The following TMEM207 variants were observed in gnomAD, a reference collection of about 807,000 sequenced individuals.
The protein encoded by TMEM207 is transmembrane protein 207.
In TMEM207, 15 loss-of-function variants were observed where a neutral mutation model predicts 17.4. That is an observed-to-expected ratio of 0.86 (90% CI 0.58 to 1.33). The LOEUF is 1.33. TMEM207 is among the 40% of genes most tolerant of loss of function. The probability of loss-of-function intolerance (pLI) is 0.00; values close to 1 mark genes in which losing one functional copy is unlikely to be tolerated. For synonymous variants in TMEM207, 70 were observed against 65.6 expected (o/e 1.07, Z -0.33); for missense variants, 205 against 173.8 (o/e 1.18, Z -1.01).
At chr3:190,434,282 G>GTGTGTTGTGGGAGGGATC (rs1719754695) in intron 4 of TMEM207, among the ~76,000 whole-genome samples, 1 of 152,010 alleles carries the variant, frequency 6.6e-6, no homozygotes, top group Non-Finnish European at 1.5e-5. Flanking sequence ...CATAATTCCC[G>GTGTGTTGTGGGAGGGATC]TGTGTTGTGG....
Position 190,440,398 on chromosome 3 carries a change from A to C in TMEM207, c.159-9T>G. On this transcript the variant is annotated splice_polypyrimidine_tract_variant and intron_variant, in intron 3 of 4. Transcript: ENST00000354905. ...CCAGCAGCAGGAGGATCCTGACTCC[A>C]AAAGTAACCGAGAAAAGAATGAGGT... 2 of 1,605,522 alleles carry C rather than the reference A, an allele frequency of 1.2e-6. No individual in the cohort carries two copies. The highest frequency in any genetic ancestry group is 1.7e-6 in the Non-Finnish European group (2 of 1,177,166).
chr3:190,447,754 G>C, intron 2 of TMEM207, 36 bp downstream of exon 2: 1 of 1,602,110 alleles, frequency 6.2e-7, no homozygotes, highest in Non-Finnish European at 8.5e-7. Flanking sequence ...TTTTAAATGC[G>C]AAATAAAAAC....
chr3:190,444,524 A>C, intron 2 of TMEM207: 3 of 881,390 alleles, frequency 3.4e-6, no homozygotes, highest in Non-Finnish European at 4.1e-6. Flanking sequence ...AAAAATAGAA[A>C]TGAGAGCCTG....
chr3:190,448,782 A>G (rs1241449792), intron 1 of TMEM207, among the ~76,000 whole-genome samples: 1 of 152,154 alleles, frequency 6.6e-6, no homozygotes, highest in Non-Finnish European at 1.5e-5. Context: ...TCCCAAAAGC[A>G]TCTTCTTCAG....
intron 3 of TMEM207, among the ~76,000 whole-genome samples, chr3:190,441,016 C>T (rs1166401239): frequency 1.3e-5 from 2 of 152,002 alleles, no homozygotes; most frequent in African/African-American, 4.8e-5. Context: ...TTGCATTGAG[C>T]CGAGATGGCG....
chr3:190,448,544 A>G (rs1255383615), intron 1 of TMEM207, among the ~76,000 whole-genome samples: 1 of 152,158 alleles, frequency 6.6e-6, no homozygotes, highest in African/African-American at 2.4e-5. Context: ...TAAAGATCTT[A>G]TTATCTATTT....
intron 4 of TMEM207, among the ~76,000 whole-genome samples, 182 bp from the exon 5 acceptor site, chr3:190,429,913 GGAA>G (rs746919532): frequency 4.9e-5 from 7 of 143,970 alleles, no homozygotes; most frequent in East Asian, 2.3e-4. Context: ...ACCACAGGGG[GGAA>G]AAAAAAAATT....
intron 1 of TMEM207, 26 bp from the exon 2 acceptor site, chr3:190,447,853 A>T (rs1422573154): frequency 4.4e-6 from 7 of 1,606,476 alleles, no homozygotes; most frequent in Non-Finnish European, 5.1e-6. Context: ...AGAACAATAA[A>T]ATCCAAACAT....
At chr3:190,446,406 G>A (rs1033335935) in intron 2 of TMEM207, among the ~76,000 whole-genome samples, 4 of 152,224 alleles carry the variant, frequency 2.6e-5, no homozygotes, top group South Asian at 2.1e-4. Flanking sequence ...TATTGTGCAC[G>A]TCTTCAATAC....
chr3:190,444,309 G>T, intron 2 of TMEM207: 2 of 523,538 alleles, frequency 3.8e-6, no homozygotes, highest in Non-Finnish European at 4.9e-6. Flanking sequence ...ACTTGCGCAA[G>T]TTAGCATAGC....
At position 190,441,328 on chromosome 3, in the gene TMEM207, C is replaced by T. The variant is rs188827039; in HGVS notation, c.158+110G>A. ...ATGTTTCTATATTCATTTGCATGAC[C>T]CCTAATCTTTCCTTAAGCTGTATGA... On this transcript the variant is annotated intron_variant, in intron 3 of 4. Coordinates refer to ENST00000354905, the MANE Select transcript of TMEM207 (RefSeq NM_207316.3). 599 of 855,312 alleles carry T rather than the reference C, an allele frequency of 7.0e-4. 2 individuals are homozygous for T. The African/African-American group carries it at 7.6e-3, about 11-fold the overall frequency. The allele number at this position is 855,312 out of a possible 1,614,324, so 53.0% of individuals were successfully genotyped here. A position where few individuals can be genotyped will look rare whatever the true frequency, so the allele number is the denominator to read the frequency against.
intron 4 of TMEM207, among the ~76,000 whole-genome samples, chr3:190,433,628 A>G (rs1159042745): frequency 1.3e-5 from 2 of 152,278 alleles, no homozygotes; most frequent in South Asian, 2.1e-4. Context: ...AAATTTGCAT[A>G]CATTCCTTTG....
chr3:190,441,476 T>C lies in TMEM207; in HGVS notation c.120A>G (p.Val40=). Reference sequence around the variant, plus strand: ...CATTAGGGTGTTGGTCATTATAATTTACACACCTGGTGATAAAGGGAGAGC... The same window carrying C: ...CATTAGGGTGTTGGTCATTATAATTCACACACCTGGTGATAAAGGGAGAGC... ...DLPCEEDEMC[V]NYNDQHPNGW... The change falls in exon 3 of 5, where the codon GTA becomes GTG. Residue 40 remains valine, a synonymous_variant. Transcript: ENST00000354905. The C allele has an allele frequency of 1.2e-6, 2 of 1,611,590 alleles. No individual in the cohort carries two copies. Among genetic ancestry groups the C allele is most frequent in the Non-Finnish European group, 1.7e-6 (2 of 1,178,686 alleles).
chr3:190,429,805 A>T, intron 4 of TMEM207, 74 bp from the exon 5 acceptor site: 1 of 1,427,728 alleles, frequency 7.0e-7, no homozygotes, highest in Non-Finnish European at 9.3e-7. Context: ...TGCCCGATAA[A>T]ATCTGGCATT....
intron 4 of TMEM207, among the ~76,000 whole-genome samples, chr3:190,436,601 G>T (rs768502715): frequency 5.9e-5 from 9 of 152,158 alleles, no homozygotes; most frequent in Non-Finnish European, 1.2e-4. Flanking sequence ...AAAGCAAGTG[G>T]TTCTTTAACT....
chr3:190,431,381 A>T (rs1719688542), intron 4 of TMEM207, among the ~76,000 whole-genome samples: 1 of 152,118 alleles, frequency 6.6e-6, no homozygotes, highest in African/African-American at 2.4e-5. Context: ...TGATAGGAAC[A>T]TGCATGCATC....
At chr3:190,440,185 A>G in intron 4 of TMEM207, 59 bp downstream of exon 4, 1 of 1,545,874 alleles carries the variant, frequency 6.5e-7, no homozygotes, top group South Asian at 1.3e-5. Context: ...ACAGTTTTTC[A>G]ATTAACCGCA....
intron 4 of TMEM207, among the ~76,000 whole-genome samples, chr3:190,439,152 G>A (rs1234235993): frequency 3.4e-5 from 5 of 147,972 alleles, no homozygotes; most frequent in African/African-American, 1.3e-4. Context: ...ACTCCCGCCT[G>A]GGCGACAGAG....
Position 190,447,795 on chromosome 3 carries a change from ATCT to A in TMEM207, c.105_107del (p.Glu35del), listed in dbSNP as rs771143724. 1.3e-4 allele frequency: 217 copies of A among 1,611,776 alleles called. 1 individual carries two copies. The highest frequency in any genetic ancestry group is 1.2e-3 in the African/African-American group (92 of 74,926). On this transcript the variant is annotated inframe_deletion, in exon 2 of 5. Transcript: ENST00000354905. Reference sequence around the variant, plus strand: ...GTTTTTCGCTGTTTACTTACATTTCATCTTCTTCGCATGGTAGGTCCGAGAGCA... The same window carrying A: ...GTTTTTCGCTGTTTACTTACATTTCATCTTCGCATGGTAGGTCCGAGAGCA...
Sources: gnomAD v4.1 joint callset for allele counts (sites outside exome capture counted in the v4.1 genomes callset) on GRCh38, gnomAD v4.1.1 for gene constraint, MANE v1.5 for transcripts, NCBI Gene and HGNC (gene_info 2026-07-23, HGNC 2026-07-21) for gene names.